The following TRPV2 variants were observed in gnomAD, a reference collection of about 807,000 sequenced individuals.
The protein encoded by TRPV2 is transient receptor potential cation channel subfamily V member 2.
Under a neutral mutation model 91.0 loss-of-function variants are expected in TRPV2, and 58 were observed. The observed-to-expected ratio is 0.64, with a 90% CI of 0.52 to 0.79. The LOEUF (loss-of-function observed/expected upper bound fraction) is 0.79, where lower values mean the gene tolerates loss of function less well. Among genes scored for constraint, TRPV2 ranks in the 30% least tolerant of loss-of-function variants. TRPV2 has a pLI of 0.00. For synonymous variants in TRPV2, 417 were observed against 414.8 expected, an observed-to-expected ratio of 1.01 and a Z score of -0.06; for missense variants, 807 against 969.6, an observed-to-expected ratio of 0.83 and a Z score of 2.23.
chr17:16,431,996 GC>G lies in TRPV2; in HGVS notation c.1689del (p.Glu564LysfsTer82). 1 of 1,605,810 alleles carries G rather than the reference GC, an allele frequency of 6.2e-7. No individual in the cohort carries two copies. Among genetic ancestry groups the G allele is most frequent in the Non-Finnish European group, 8.5e-7 (1 of 1,174,274 alleles). On this transcript the variant is annotated frameshift_variant, in exon 12 of 15. Transcript: ENST00000338560. LOFTEE classifies it high-confidence loss of function. ...ALVSLSQEAW[R>X]PEAPTGPNAT... ...GTGAGCCTGAGCCAGGAGGCTTGGC[GC>G]CCCGAAGCTCCTACAGGCCCCAATG...
At chr17:16,436,011 C>T (rs1033908889) in intron 14 of TRPV2, among the ~76,000 whole-genome samples, 3 of 152,288 alleles carry the variant, frequency 2.0e-5, no homozygotes, top group South Asian at 4.1e-4. Context: ...GGAACAGCCT[C>T]GGGGCTGCCC....
intron 8 of TRPV2, among the ~76,000 whole-genome samples, chr17:16,427,981 C>A (rs1320568392): frequency 1.3e-5 from 2 of 152,142 alleles, no homozygotes; most frequent in Non-Finnish European, 2.9e-5. Context: ...ATTGGGACCT[C>A]CGCAGAGTGG....
At chr17:16,425,780 A>G (rs1212907815) in intron 5 of TRPV2, among the ~76,000 whole-genome samples, 1 of 152,178 alleles carries the variant, frequency 6.6e-6, no homozygotes, top group African/African-American at 2.4e-5. Flanking sequence ...TACAGCTAGT[A>G]GACTCTGATC....
At chr17:16,420,038 G>A in intron 2 of TRPV2, 77 bp from the exon 3 acceptor site, 3 of 1,566,252 alleles carry the variant, frequency 1.9e-6, no homozygotes, top group East Asian at 2.3e-5. Context: ...TCCCTGAAAG[G>A]GCTCCCTGGG....
intron 12 of TRPV2, 91 bp from the exon 13 acceptor site, chr17:16,433,483 G>A (rs1195515116): frequency 7.1e-6 from 11 of 1,539,394 alleles, no homozygotes; most frequent in Non-Finnish European, 8.8e-6. Flanking sequence ...GTGAAGTGCT[G>A]CGCGGCACTT....
chr17:16,427,990 G>C (rs2093391881), intron 8 of TRPV2, among the ~76,000 whole-genome samples: 1 of 152,148 alleles, frequency 6.6e-6, no homozygotes, highest in African/African-American at 2.4e-5. Context: ...TCCGCAGAGT[G>C]GGCAGAACTT....
chr17:16,431,285 ATACATATTTTTTTTTT>A (rs1221094516), intron 10 of TRPV2, among the ~76,000 whole-genome samples: 3 of 43,684 alleles, frequency 6.9e-5, no homozygotes, highest in African/African-American at 8.2e-5. Context: ...ATATATATAT[ATACATATTTTTTTTTT>A]TTTTTTTTTT....
rs1222609933 is a variant in TRPV2, at chr17:16,428,335, C to T, written c.1369C>T (p.Arg457Cys). The T allele has an allele frequency of 6.2e-7, 1 of 1,614,092 alleles. No individual in the cohort carries two copies. The highest frequency in any genetic ancestry group is 1.3e-5 in the African/African-American group (1 of 74,942). ...LVGQLWYFWR[R>C]HVFIWISFID... ...TCCGCAGCTGTGGTACTTCTGGCGG[C>T]GCCACGTGTTCATCTGGATCTCGTT... The change falls in exon 9 of 15, where the codon CGC becomes TGC. Residue 457 changes from arginine to cysteine, a missense_variant. By Grantham distance (180) the Arg-to-Cys change is radical. Coordinates refer to ENST00000338560, the MANE Select transcript of TRPV2 (RefSeq NM_016113.5).
Position 16,417,758 on chromosome 17 carries a change from G to A in TRPV2, c.90G>A (p.Leu30=). 1.2e-6 allele frequency: 2 copies of A among 1,614,222 alleles called. No individual in the cohort carries two copies. Among genetic ancestry groups the A allele is most frequent in the Non-Finnish European group, 1.7e-6 (2 of 1,180,038 alleles). ...GCTCTGAGGCGGACAGAGGAAAGCT[G>A]GATTTTGGGAGCGGGCTGCCTCCCA... ...EDGSEADRGK[L]DFGSGLPPME... is the part of the protein sequence containing the mutation. The change falls in exon 2 of 15, where the codon CTG becomes CTA. Residue 30 remains leucine (L), a synonymous_variant. Coordinates refer to ENST00000338560, the MANE Select transcript of TRPV2 (RefSeq NM_016113.5).
chr17:16,422,030 C>T (rs1220726525), intron 3 of TRPV2, among the ~76,000 whole-genome samples: 1 of 151,576 alleles, frequency 6.6e-6, no homozygotes, highest in African/African-American at 2.4e-5. Context: ...CTAAGCCGGG[C>T]GCAGTGGCTC....
intron 9 of TRPV2, chr17:16,428,609 C>T (rs1456353380): frequency 2.8e-6 from 2 of 706,902 alleles, no homozygotes; most frequent in Non-Finnish European, 4.7e-6. Context: ...TAGGCCTCGG[C>T]ACATACCTGT....
intron 1 of TRPV2, among the ~76,000 whole-genome samples, chr17:16,416,871 G>A (rs986739166): frequency 2.0e-5 from 3 of 152,192 alleles, no homozygotes; most frequent in African/African-American, 4.8e-5. Flanking sequence ...CTTCTTTGGC[G>A]AGGGGTTGAG....
intron 9 of TRPV2, 86 bp downstream of exon 9, chr17:16,428,473 A>G: frequency 7.1e-7 from 1 of 1,410,970 alleles, no homozygotes; most frequent in Non-Finnish European, 1.0e-6. Flanking sequence ...GGTTGGCTTT[A>G]GAGGCGAGGA....
chr17:16,432,371 C>T (rs1002790840), intron 12 of TRPV2, 71 bp downstream of exon 12: 12 of 1,407,670 alleles, frequency 8.5e-6, no homozygotes, highest in South Asian at 6.8e-5. Flanking sequence ...CCGGACCCTG[C>T]GGAGCTGGGC....
At position 16,436,862 on chromosome 17, in the gene TRPV2, G is replaced by A; in HGVS notation, c.2268G>A (p.Val756=). 6.2e-7 allele frequency: 1 copy of A among 1,614,094 alleles called. No individual in the cohort carries two copies. The highest frequency in any genetic ancestry group is 1.7e-4 in the Middle Eastern group (1 of 6,060). Residue 756 remains valine (V), a synonymous_variant, in exon 15 of 15, where the codon GTG becomes GTA. Coordinates refer to ENST00000338560, the MANE Select transcript of TRPV2 (RefSeq NM_016113.5). ...DEDGASEENY[V]PVQLLQSN ...ATGGTGCCTCTGAGGAAAACTATGTGCCCGTCCAGCTCCTCCAGTCCAACT... is the reference window on the plus strand; with the variant it reads ...ATGGTGCCTCTGAGGAAAACTATGTACCCGTCCAGCTCCTCCAGTCCAACT...
rs2093336811 is a variant in TRPV2, at chr17:16,417,571, A to G, written c.-98A>G. ...ATACCTCCTTTTGCAGGCTCCAGTC[A>G]GGCCAACACCGACGCGCAGCTGGGA... On this transcript the variant is annotated 5_prime_UTR_variant, in exon 2 of 15. Coordinates refer to ENST00000338560, the MANE Select transcript of TRPV2 (RefSeq NM_016113.5). 4.5e-6 allele frequency: 6 copies of G among 1,333,048 alleles called. No homozygotes were observed. The highest frequency in any genetic ancestry group is 1.5e-5 in the African/African-American group (1 of 68,798). The allele number at this position is 1,333,048 out of a possible 1,614,324, so 82.6% of individuals were successfully genotyped here.
At position 16,415,907 on chromosome 17, in the gene TRPV2, GGAA is replaced by G; in HGVS notation, c.-108+76_-108+78del. The G allele has an allele frequency of 6.6e-6, 1 of 152,462 alleles. No individual in the cohort carries two copies. Among genetic ancestry groups the G allele is most frequent in the South Asian group, 2.1e-4 (1 of 4,834 alleles). 9.4% of individuals were successfully genotyped at this position (152,462 alleles called of 1,614,324 possible). On this transcript the variant is annotated intron_variant, in intron 1 of 14. Transcript: ENST00000338560. The surrounding 1 kb of genome is among the most constrained non-coding windows in gnomAD (Gnocchi z 4.5). ...AGCCTGACAGTGAATGATGGGGTGG[GGAA>G]GGCCTAGTGGGCTCCTGGCTTCTAC... is the stretch of plus-strand genomic sequence containing the variant.
At chr17:16,417,916 C>T (rs1475212186) in intron 2 of TRPV2, 48 bp downstream of exon 2, 1 of 1,555,820 alleles carries the variant, frequency 6.4e-7, no homozygotes, top group Non-Finnish European at 8.8e-7. Context: ...CTGCCCAGCT[C>T]CAGCAGAGCA....
chr17:16,431,256 CATATAT>C (rs60066961), intron 10 of TRPV2, among the ~76,000 whole-genome samples: 9,140 of 67,710 alleles, frequency 0.13, 646 homozygotes, highest in Middle Eastern at 0.19. Context: ...TGATCTGAGA[CATATAT>C]ATATATATAT....
Sources: gnomAD v4.1 joint callset for allele counts (sites outside exome capture counted in the v4.1 genomes callset) on GRCh38, gnomAD v4.1.1 for gene constraint, Gnocchi (gnomAD v3.1) non-coding constraint, MANE v1.5 for transcripts, NCBI Gene and HGNC (gene_info 2026-07-23, HGNC 2026-07-21) for gene names.